The following PLEKHA6 variants were observed in gnomAD, a reference collection of about 807,000 sequenced individuals.
The protein encoded by PLEKHA6 is pleckstrin homology domain containing A6.
Under a neutral mutation model 116.7 loss-of-function variants are expected in PLEKHA6, and 60 were observed. The observed-to-expected ratio is 0.51, with a 90% CI of 0.42 to 0.64. The LOEUF is 0.64. Among genes scored for constraint, PLEKHA6 ranks in the 30% least tolerant of loss-of-function variants. The pLI is 0.00. For synonymous variants in PLEKHA6, 489 were observed against 556.1 expected, an observed-to-expected ratio of 0.88 and a Z score of 1.70; for missense variants, 1,338 against 1,422.7, an observed-to-expected ratio of 0.94 and a Z score of 0.96.
At chr1:204,323,488 G>T (rs755480114) in intron 1 of PLEKHA6, among the ~76,000 whole-genome samples, 2 of 152,224 alleles carry the variant, frequency 1.3e-5, no homozygotes, top group Non-Finnish European at 2.9e-5. Context: ...TGCAGACTAG[G>T]ATCACTGAGA....
Position 204,261,531 on chromosome 1 carries a change from C to T in PLEKHA6, c.382-83G>A. 6.9e-7 allele frequency: 1 copy of T among 1,440,282 alleles called. No individual in the cohort carries two copies. Among genetic ancestry groups the T allele is most frequent in the Non-Finnish European group, 9.4e-7 (1 of 1,065,742 alleles). The allele number at this position is 1,440,282 out of a possible 1,614,324, so 89.2% of individuals were successfully genotyped here. On this transcript the variant is annotated intron_variant, in intron 6 of 22. Coordinates refer to ENST00000272203, the MANE Select transcript of PLEKHA6 (RefSeq NM_014935.5). The surrounding 1 kb of genome is among the most constrained non-coding windows in gnomAD (Gnocchi z 4.0). Reference sequence around the variant, plus strand: ...CACCTGTTGGGAGAAGACACCAACGCCCACAGAATGGGCAGTCAGTTGGGC... The same window carrying T: ...CACCTGTTGGGAGAAGACACCAACGTCCACAGAATGGGCAGTCAGTTGGGC...
intron 2 of PLEKHA6, among the ~76,000 whole-genome samples, chr1:204,371,271 G>T (rs1274656073): frequency 2.6e-5 from 4 of 152,288 alleles, no homozygotes; most frequent in Non-Finnish European, 5.9e-5. Context: ...GCAGAGGGAT[G>T]AAAGATGAGT....
intron 1 of PLEKHA6, among the ~76,000 whole-genome samples, chr1:204,352,722 C>T (rs1252219198): frequency 2.0e-5 from 3 of 152,168 alleles, no homozygotes; most frequent in Admixed American, 6.5e-5. Flanking sequence ...CAGTGGCTCA[C>T]GCCTGTAGTC....
intron 18 of PLEKHA6, among the ~76,000 whole-genome samples, chr1:204,229,435 A>G (rs903204640): frequency 3.9e-5 from 6 of 152,196 alleles, no homozygotes; most frequent in Admixed American, 1.3e-4. Context: ...ATTTTTTAAG[A>G]AACAGTGTCT....
chr1:204,231,279 T>C (rs565694345), intron 17 of PLEKHA6, among the ~76,000 whole-genome samples: 7 of 152,266 alleles, frequency 4.6e-5, no homozygotes, highest in African/African-American at 1.7e-4. Context: ...GCTTTAAAGA[T>C]GATCTGATGA....
intron 1 of PLEKHA6, chr1:204,299,534 G>C: frequency 1.4e-6 from 1 of 692,042 alleles, no homozygotes; most frequent in Non-Finnish European, 1.8e-6. Flanking sequence ...AGGGAGCTCT[G>C]AGCCGGCAGC....
Position 204,259,379 on chromosome 1 carries a change from G to A in PLEKHA6, c.886C>T (p.Arg296Trp), listed in dbSNP as rs142044407. Residue 296 changes from arginine to tryptophan, a missense_variant, in exon 8 of 23, where the codon CGG (arginine) becomes TGG (tryptophan). Arg to Trp is a moderately radical substitution (Grantham distance 101). Around this residue, in one of 3 missense-constraint regions of PLEKHA6, gnomAD observed 1,136 missense variants for 1,163.6 expected, o/e 0.98. Coordinates refer to ENST00000272203, the MANE Select transcript of PLEKHA6 (RefSeq NM_014935.5). The surrounding 1 kb of genome is among the most constrained non-coding windows in gnomAD (Gnocchi z 4.6). The part of the protein sequence containing the change: ...PSQDGETGGH[R>W]RSFPPRTNPD... ...TTGGTGCGTGGTGGGAAACTCCGCC[G>A]GTGTCCCCCAGTCTCTCCATCCTGA... 31 of 1,614,074 alleles carry A rather than the reference G, an allele frequency of 1.9e-5. No individual in the cohort carries two copies. The highest frequency in any genetic ancestry group is 6.7e-5 in the African/African-American group (5 of 74,926).
chr1:204,365,618 G>C (rs1259677175), intron 3 of PLEKHA6, among the ~76,000 whole-genome samples: 1 of 152,224 alleles, frequency 6.6e-6, no homozygotes, highest in Non-Finnish European at 1.5e-5. Flanking sequence ...CTCTGGGCTG[G>C]TAGCTGAAGC....
intron 1 of PLEKHA6, among the ~76,000 whole-genome samples, chr1:204,337,655 C>T (rs747147741): frequency 6.6e-6 from 1 of 152,090 alleles, no homozygotes. Context: ...GAGAAGCCTC[C>T]GGGGTGACTG....
intron 2 of PLEKHA6, among the ~76,000 whole-genome samples, chr1:204,368,152 A>G (rs1472471006): frequency 1.3e-5 from 2 of 152,166 alleles, no homozygotes; most frequent in Non-Finnish European, 1.5e-5. Flanking sequence ...TCATTCAACA[A>G]ATCTTTACTG....
chr1:204,244,957 GC>G lies in PLEKHA6; in HGVS notation c.2078del (p.Ser693ThrfsTer12). On this transcript the variant is annotated frameshift_variant, in exon 15 of 23. Coordinates refer to ENST00000272203, the MANE Select transcript of PLEKHA6 (RefSeq NM_014935.5). LOFTEE classifies it high-confidence loss of function. ...TGGTGAGGCTGGCAGAGCTGAGGGG[GC>G]TGGCCGGGCTGTTGGAGCTGTAGGT... ...SATYSSNSPA[S>X]PLSSASLTSP... 2 of 1,469,072 alleles carry G rather than the reference GC, an allele frequency of 1.4e-6. No individual in the cohort carries two copies. The highest frequency in any genetic ancestry group is 1.8e-6 in the Non-Finnish European group (2 of 1,107,522). The allele number at this position is 1,469,072 out of a possible 1,614,324, so 91.0% of individuals were successfully genotyped here.
chr1:204,360,031 G>C (rs368121689), upstream of PLEKHA6: 1 of 152,336 alleles, frequency 6.6e-6, no homozygotes, highest in East Asian at 1.9e-4. Context: ...AATAGTCCCC[G>C]AAAAGGTTTA....
At chr1:204,279,038 T>TC (rs1476456913) in intron 1 of PLEKHA6, among the ~76,000 whole-genome samples, 2 of 151,938 alleles carry the variant, frequency 1.3e-5, no homozygotes, top group Non-Finnish European at 2.9e-5. Context: ...CCTGCCTAGC[T>TC]CCCCCTTGAA....
chr1:204,356,002 A>C lies in PLEKHA6; in HGVS notation c.-95+3692T>G, dbSNP rs867432583. ...ACACACACACACACACACACACACA[A>C]AAAAAATCCATTCTCAGACACAGCT... On this transcript the variant is annotated intron_variant, in intron 1 of 22. Coordinates refer to ENST00000272203, the MANE Select transcript of PLEKHA6 (RefSeq NM_014935.5). Among the ~76,000 whole-genome samples the C allele has an allele frequency of 2.1e-3, 308 of 144,432 alleles. 2 individuals are homozygous for C. Among genetic ancestry groups the C allele is most frequent in the South Asian group, 8.0e-3 (37 of 4,604 alleles). The allele number at this position is 144,432 out of a possible 152,430, so 94.8% of individuals were successfully genotyped here.
chr1:204,332,803 T>G (rs1018082267), intron 1 of PLEKHA6, among the ~76,000 whole-genome samples: 6 of 152,196 alleles, frequency 3.9e-5, no homozygotes, highest in African/African-American at 1.4e-4. Flanking sequence ...CTCTGCCCCT[T>G]GCTGGCTGCA....
At chr1:204,244,111 A>G (rs538315541) in intron 15 of PLEKHA6, among the ~76,000 whole-genome samples, 137 of 151,766 alleles carry the variant, frequency 9.0e-4, no homozygotes, top group Non-Finnish European at 1.6e-3. Context: ...GTGAGCCACC[A>G]CGCCCAGCCT....
intron 1 of PLEKHA6, among the ~76,000 whole-genome samples, chr1:204,298,941 CCT>C (rs1670550377): frequency 1.3e-5 from 2 of 152,218 alleles, no homozygotes; most frequent in Admixed American, 1.3e-4. Context: ...AGCTGAAAGT[CCT>C]CTCTGCAATG....
At chr1:204,309,290 A>T (rs535821568) in intron 1 of PLEKHA6, among the ~76,000 whole-genome samples, 1 of 152,274 alleles carries the variant, frequency 6.6e-6, no homozygotes, top group South Asian at 2.1e-4. Flanking sequence ...ACCAGACTGA[A>T]CCTTAAACTC....
chr1:204,242,653 T>C (rs954723839), intron 15 of PLEKHA6, among the ~76,000 whole-genome samples: 1 of 152,180 alleles, frequency 6.6e-6, no homozygotes, highest in Admixed American at 6.5e-5. Flanking sequence ...AAAGGGCCTG[T>C]ATCCTTATAC....
Sources: gnomAD v4.1 joint callset for allele counts (sites outside exome capture counted in the v4.1 genomes callset) on GRCh38, gnomAD v4.1.1 for gene constraint, gnomAD v4.1.1 regional missense constraint, Gnocchi (gnomAD v3.1) non-coding constraint, MANE v1.5 for transcripts, NCBI Gene and HGNC (gene_info 2026-07-23, HGNC 2026-07-21) for gene names.